RIPOR2: variants seen among roughly 807,000 people sequenced by gnomAD.
RIPOR2 encodes RHO family interacting cell polarization regulator 2.
A neutral mutation model predicts 114.5 loss-of-function variants in RIPOR2; 39 were observed. That is an observed-to-expected ratio of 0.34 (90% CI 0.26 to 0.44). The LOEUF (loss-of-function observed/expected upper bound fraction) is 0.44. RIPOR2 is among the 20% of genes least tolerant of loss of function. The probability of loss-of-function intolerance (pLI) is 1.00; values close to 1 mark genes in which losing one functional copy is unlikely to be tolerated. For synonymous variants in RIPOR2, 445 were observed against 484.4 expected, an observed-to-expected ratio of 0.92 and a Z score of 1.07; for missense variants, 1,007 against 1,255.1, an observed-to-expected ratio of 0.80 and a Z score of 2.99.
At chr6:24,944,411 A>C (rs1189572539) in intron 1 of RIPOR2, among the ~76,000 whole-genome samples, 1 of 152,222 alleles carries the variant, frequency 6.6e-6, no homozygotes, top group Non-Finnish European at 1.5e-5. Flanking sequence ...CACACATGAC[A>C]AACAATATAG....
At chr6:25,010,027 A>T (rs1002977456) in intron 1 of RIPOR2, among the ~76,000 whole-genome samples, 1 of 152,254 alleles carries the variant, frequency 6.6e-6, no homozygotes, top group Non-Finnish European at 1.5e-5. Context: ...AACAGCTTCA[A>T]GAGAAGAGAA....
intron 1 of RIPOR2, among the ~76,000 whole-genome samples, chr6:24,964,118 G>A (rs1237430955): frequency 6.8e-6 from 1 of 147,908 alleles, no homozygotes; most frequent in Non-Finnish European, 1.5e-5. Context: ...CATTGGTGCA[G>A]TATCAAAACA....
intron 2 of RIPOR2, among the ~76,000 whole-genome samples, chr6:24,874,647 G>C (rs1765543758): frequency 6.6e-6 from 1 of 152,188 alleles, no homozygotes; most frequent in South Asian, 2.1e-4. Flanking sequence ...AGGGCAAAGA[G>C]TTCCAGGTGG....
At chr6:24,952,341 G>A (rs1772820291) in intron 1 of RIPOR2, among the ~76,000 whole-genome samples, 1 of 152,062 alleles carries the variant, frequency 6.6e-6, no homozygotes, top group African/African-American at 2.4e-5. Flanking sequence ...CATTTACTGG[G>A]GATCCTGTCA....
intron 1 of RIPOR2, among the ~76,000 whole-genome samples, chr6:24,898,130 C>A (rs1768070178): frequency 6.6e-6 from 1 of 152,038 alleles, no homozygotes; most frequent in African/African-American, 2.4e-5. Context: ...ACAAAATATG[C>A]ACTCAGTTAA....
chr6:25,024,134 G>T, intron 1 of RIPOR2: 1 of 919,880 alleles, frequency 1.1e-6, no homozygotes, highest in East Asian at 2.4e-5. Context: ...TCCCCTTACC[G>T]GTGGCGCCGC....
intron 1 of RIPOR2, among the ~76,000 whole-genome samples, chr6:24,998,946 T>G (rs1004072815): frequency 1.3e-5 from 2 of 152,094 alleles, no homozygotes; most frequent in African/African-American, 4.8e-5. Flanking sequence ...TTTGGGTGAA[T>G]GTACACTATA....
rs549935720 is a variant in RIPOR2, at chr6:25,020,418, T to C, written c.76+21433A>G. 8.5e-5 allele frequency among the ~76,000 whole-genome samples: 13 copies of C among 152,342 alleles called. No homozygotes were observed. In the East Asian group the frequency reaches 1.5e-3, roughly 18 times the overall value. On this transcript the variant is annotated intron_variant, in intron 1 of 13. Transcript: ENST00000510784. ...CTAGAATCTGCTCATTGCAATTAAT[T>C]AGGCTTCTCCAAGAGTAAATTTTCC...
chr6:24,981,515 C>T (rs1468108613), intron 1 of RIPOR2, among the ~76,000 whole-genome samples: 1 of 152,228 alleles, frequency 6.6e-6, no homozygotes, highest in Non-Finnish European at 1.5e-5. Flanking sequence ...ATTATGCTAG[C>T]CAGCTAGGCC....
rs1187951413 is a variant in RIPOR2, at chr6:24,848,044, A to C, written c.1145T>G (p.Phe382Cys). The part of the protein sequence containing the change: ...YSQGTPETPT[F>C]KDHSFFSNLP... ...ACTTACAAAGAAGGAGTGGTCTTTG[A>C]AGGTGGGCGTTTCCGGGGTACCCTG... The change falls in exon 12 of 22, where the codon TTC becomes TGC. Residue 382 changes from phenylalanine (F) to cysteine (C), a missense_variant. Physicochemically the swap from Phe to Cys is radical, Grantham distance 205. Transcript: ENST00000643898. 1.7e-5 allele frequency: 28 copies of C among 1,613,938 alleles called. No homozygotes were observed. The highest frequency in any genetic ancestry group is 2.4e-5 in the Non-Finnish European group (28 of 1,179,846).
chr6:24,919,777 T>C (rs1223455942), intron 1 of RIPOR2, among the ~76,000 whole-genome samples: 1 of 152,190 alleles, frequency 6.6e-6, no homozygotes, highest in Non-Finnish European at 1.5e-5. Context: ...ACAGAGGAAT[T>C]CAAGTTCAAC....
At chr6:24,822,224 G>A (rs540205383) in intron 19 of RIPOR2, among the ~76,000 whole-genome samples, 6 of 152,332 alleles carry the variant, frequency 3.9e-5, no homozygotes, top group East Asian at 1.9e-4. Context: ...GAAACCAATC[G>A]ATGGTGTCTG....
intron 12 of RIPOR2, chr6:24,847,423 T>C: frequency 9.6e-7 from 1 of 1,041,490 alleles, no homozygotes; most frequent in Non-Finnish European, 1.4e-6. Flanking sequence ...CCAAGGACAG[T>C]ACAGCTGTAA....
intron 1 of RIPOR2, among the ~76,000 whole-genome samples, chr6:24,991,060 T>C (rs1157816119): frequency 6.6e-6 from 1 of 152,222 alleles, no homozygotes; most frequent in African/African-American, 2.4e-5. Flanking sequence ...GTCTAATCAA[T>C]GAGCTACAAT....
chr6:24,839,921 A>G (rs890187368), intron 13 of RIPOR2: 8 of 527,392 alleles, frequency 1.5e-5, no homozygotes, highest in Non-Finnish European at 2.0e-5. Context: ...TTCCCTAGGT[A>G]AGAAGCCCTG....
Position 24,935,935 on chromosome 6 carries a change from GC to G in RIPOR2, c.-38del. 1 of 1,492,046 alleles carries G rather than the reference GC, an allele frequency of 6.7e-7. No homozygotes were observed. The highest frequency in any genetic ancestry group is 9.0e-7 in the Non-Finnish European group (1 of 1,107,652). The allele number at this position is 1,492,046 out of a possible 1,614,324, so 92.4% of individuals were successfully genotyped here. On this transcript the variant is annotated 5_prime_UTR_variant, in exon 1 of 22. Transcript: ENST00000643898. Reference sequence around the variant, plus strand: ...CAGGCGCGAGAAGCAGCAGGCAGCAGCCCCGGCAGTCTCAGCAGTCACACTG... The same window carrying G: ...CAGGCGCGAGAAGCAGCAGGCAGCAGCCCGGCAGTCTCAGCAGTCACACTG...
chr6:24,877,890 G>T (rs564449063), intron 1 of RIPOR2, among the ~76,000 whole-genome samples: 1 of 152,230 alleles, frequency 6.6e-6, no homozygotes, highest in East Asian at 1.9e-4. Context: ...CCACAGTGGT[G>T]GGGTGGGTAG....
At chr6:24,934,546 C>T (rs1370631475) in intron 1 of RIPOR2, among the ~76,000 whole-genome samples, 1 of 152,172 alleles carries the variant, frequency 6.6e-6, no homozygotes, top group African/African-American at 2.4e-5. Flanking sequence ...CTTTGCGACA[C>T]TCTAATTTTT....
intron 1 of RIPOR2, among the ~76,000 whole-genome samples, chr6:25,040,508 A>G (rs2113782323): frequency 6.6e-6 from 1 of 152,042 alleles, no homozygotes. Flanking sequence ...GCCTCAGAAC[A>G]TTGGTATTAC....
Sources: gnomAD v4.1 joint callset for allele counts (sites outside exome capture counted in the v4.1 genomes callset) on GRCh38, gnomAD v4.1.1 for gene constraint, MANE v1.5 for transcripts, NCBI Gene and HGNC (gene_info 2026-07-23, HGNC 2026-07-21) for gene names.